The following SLC35F4 variants were observed in gnomAD, a reference collection of about 807,000 sequenced individuals.
The protein encoded by SLC35F4 is solute carrier family 35 member F4.
Under a neutral mutation model 44.2 loss-of-function variants are expected in SLC35F4, and 24 were observed. The observed-to-expected ratio is 0.54, with a 90% CI of 0.39 to 0.76. SLC35F4 has a LOEUF of 0.76. Among genes scored for constraint, SLC35F4 ranks in the 30% least tolerant of loss-of-function variants. The pLI is 0.00. For missense variants in SLC35F4, 562 were observed against 586.1 expected, an observed-to-expected ratio of 0.96 and a Z score of 0.42; for synonymous variants, 238 against 223.6, an observed-to-expected ratio of 1.06 and a Z score of -0.57.
At chr14:57,867,467 C>T (rs1375801655), upstream of SLC35F4, among the ~76,000 whole-genome samples, 1 of 152,032 alleles carries the variant, frequency 6.6e-6, no homozygotes, top group African/African-American at 2.4e-5. Context: ...CCTCCTACAC[C>T]TGTTTTCTGG....
chr14:57,750,255 G>GTA lies in SLC35F4; in HGVS notation c.103+115466_103+115467dup, dbSNP rs533431471. ...TTTAGTCTGAATAGTATTTCATTGT[G>GTA]TATATATATACCACATTTTCTTTAT... On this transcript the variant is annotated intron_variant, in intron 1 of 7. Coordinates refer to ENST00000556826, the MANE Select transcript of SLC35F4 (RefSeq NM_001306087.2). Among the ~76,000 whole-genome samples, 316 of 152,056 alleles carry GTA rather than the reference G, an allele frequency of 2.1e-3. 2 individuals are homozygous for GTA. Among genetic ancestry groups the GTA allele is most frequent in the Middle Eastern group, 0.01 (3 of 294 alleles).
chr14:57,781,676 G>A (rs546560475), intron 1 of SLC35F4, among the ~76,000 whole-genome samples: 20 of 152,236 alleles, frequency 1.3e-4, no homozygotes, highest in African/African-American at 4.6e-4. Flanking sequence ...GCTCATCAAT[G>A]GCAGACTGAA....
intron 1 of SLC35F4, among the ~76,000 whole-genome samples, chr14:57,910,768 C>G (rs975404071): frequency 8.6e-5 from 13 of 152,012 alleles, no homozygotes; most frequent in African/African-American, 3.1e-4. Flanking sequence ...TAATCAGGCT[C>G]TCTTGCCTCT....
At chr14:57,571,236 C>T (rs975670324) in intron 5 of SLC35F4, among the ~76,000 whole-genome samples, 1 of 152,118 alleles carries the variant, frequency 6.6e-6, no homozygotes, top group Non-Finnish European at 1.5e-5. Context: ...TCTTAGTGCT[C>T]ACTTCTGAAG....
intron 1 of SLC35F4, among the ~76,000 whole-genome samples, chr14:57,824,177 T>C (rs1204207289): frequency 6.6e-6 from 1 of 152,152 alleles, no homozygotes; most frequent in East Asian, 1.9e-4. Context: ...TCCAGAATTC[T>C]GTTTGCATGT....
chr14:57,911,248 T>C (rs148756503), intron 1 of SLC35F4, among the ~76,000 whole-genome samples: 112 of 152,154 alleles, frequency 7.4e-4, no homozygotes, highest in African/African-American at 2.6e-3. Context: ...ACAAATTTTT[T>C]TTCCTTCCTA....
intron 1 of SLC35F4, among the ~76,000 whole-genome samples, chr14:57,936,406 A>C (rs563598286): frequency 1.3e-5 from 2 of 151,470 alleles, no homozygotes; most frequent in South Asian, 4.1e-4. Flanking sequence ...CCCAGAAAAT[A>C]ACTCCCCTCA....
chr14:57,913,101 T>C (rs1332083893), intron 1 of SLC35F4, among the ~76,000 whole-genome samples: 1 of 152,098 alleles, frequency 6.6e-6, no homozygotes, highest in Non-Finnish European at 1.5e-5. Context: ...TTCTTTTCAT[T>C]ACTGTTAGTA....
At chr14:57,913,596 T>C (rs1031104509) in intron 1 of SLC35F4, among the ~76,000 whole-genome samples, 6 of 152,176 alleles carry the variant, frequency 3.9e-5, no homozygotes, top group Non-Finnish European at 7.4e-5. Context: ...CATTAATTCC[T>C]CCTGCCCTTC....
At chr14:57,625,028 G>A (rs2072403342) in intron 1 of SLC35F4, among the ~76,000 whole-genome samples, 1 of 152,204 alleles carries the variant, frequency 6.6e-6, no homozygotes, top group South Asian at 2.1e-4. Context: ...TCTGTTTGCA[G>A]ATGACGCAAT....
intron 1 of SLC35F4, among the ~76,000 whole-genome samples, chr14:57,801,917 T>A (rs1218865695): frequency 6.6e-6 from 1 of 151,832 alleles, no homozygotes; most frequent in East Asian, 1.9e-4. Flanking sequence ...CAATGTTAGA[T>A]CATAGAAACA....
At chr14:57,694,338 C>CA (rs2140341975) in intron 1 of SLC35F4, among the ~76,000 whole-genome samples, 1 of 152,230 alleles carries the variant, frequency 6.6e-6, no homozygotes, top group African/African-American at 2.4e-5. Flanking sequence ...AGGTATTTAT[C>CA]AAAAATTGTG....
At chr14:57,863,329 T>G (rs1281981772) in intron 1 of SLC35F4, among the ~76,000 whole-genome samples, 1 of 152,210 alleles carries the variant, frequency 6.6e-6, no homozygotes. Flanking sequence ...TACTAGAATT[T>G]TTTCTGAACA....
At chr14:57,921,699 C>A (rs1236638854) in intron 1 of SLC35F4, among the ~76,000 whole-genome samples, 1 of 152,200 alleles carries the variant, frequency 6.6e-6, no homozygotes, top group Non-Finnish European at 1.5e-5. Context: ...GTCTTCCCTT[C>A]ATGTGGGTCT....
chr14:57,591,625 C>A (rs964498495), intron 2 of SLC35F4, among the ~76,000 whole-genome samples: 1 of 152,204 alleles, frequency 6.6e-6, no homozygotes, highest in East Asian at 1.9e-4. Flanking sequence ...ATCAGTATGA[C>A]TCCAGGGTCT....
intron 1 of SLC35F4, among the ~76,000 whole-genome samples, chr14:57,788,506 T>C (rs1566854887): frequency 6.6e-6 from 1 of 152,182 alleles, no homozygotes; most frequent in Non-Finnish European, 1.5e-5. Flanking sequence ...AGATAGACCA[T>C]ATGATAGGCC....
intron 1 of SLC35F4, among the ~76,000 whole-genome samples, chr14:57,651,166 T>A (rs1009342318): frequency 6.6e-6 from 1 of 152,224 alleles, no homozygotes; most frequent in African/African-American, 2.4e-5. Flanking sequence ...TCTTGTTCAC[T>A]ACTAGATTGG....
At chr14:57,613,503 G>T (rs2071629871) in intron 1 of SLC35F4, among the ~76,000 whole-genome samples, 1 of 152,162 alleles carries the variant, frequency 6.6e-6, no homozygotes, top group South Asian at 2.1e-4. Context: ...AGTCCCAGTT[G>T]TTCCAACGAT....
intron 3 of SLC35F4, among the ~76,000 whole-genome samples, chr14:57,588,839 A>C (rs533970454): frequency 6.6e-6 from 1 of 152,162 alleles, no homozygotes; most frequent in African/African-American, 2.4e-5. Context: ...ATAAAACACG[A>C]CTTTCAGAAA....
Sources: gnomAD v4.1 joint callset for allele counts (sites outside exome capture counted in the v4.1 genomes callset) on GRCh38, gnomAD v4.1.1 for gene constraint, MANE v1.5 for transcripts, NCBI Gene and HGNC (gene_info 2026-07-23, HGNC 2026-07-21) for gene names.